Variants in VPS8 observed in about 807,000 individuals in gnomAD.
VPS8 encodes VPS8 subunit of CORVET complex.
A neutral mutation model predicts 216.4 loss-of-function variants in VPS8; 129 were observed. That is an observed-to-expected ratio of 0.60 (90% CI 0.52 to 0.69). The LOEUF is 0.69. VPS8 is among the 30% of genes least tolerant of loss of function. The pLI is 0.00. For synonymous variants in VPS8, 571 were observed against 565.4 expected (o/e 1.01, Z -0.14); for missense variants, 1,531 against 1,683.5 (o/e 0.91, Z 1.59).
At chr3:184,979,753 A>G (rs567342341) in intron 40 of VPS8, among the ~76,000 whole-genome samples, 2 of 152,278 alleles carry the variant, frequency 1.3e-5, no homozygotes, top group African/African-American at 4.8e-5. Context: ...TTCTTTATCC[A>G]GCTTACCACT....
intron 40 of VPS8, among the ~76,000 whole-genome samples, chr3:184,980,007 G>A (rs937354146): frequency 6.6e-6 from 1 of 152,154 alleles, no homozygotes; most frequent in Non-Finnish European, 1.5e-5. Flanking sequence ...AATTTCCTTA[G>A]CATTCATTGT....
At chr3:184,912,236 GT>G (rs1736682418) in intron 25 of VPS8, among the ~76,000 whole-genome samples, 1 of 152,140 alleles carries the variant, frequency 6.6e-6, no homozygotes, top group East Asian at 1.9e-4. Flanking sequence ...AAAGTGTGGC[GT>G]TTTTCTAACT....
chr3:184,819,399 T>C (rs1216498930), intron 1 of VPS8, among the ~76,000 whole-genome samples: 1 of 152,210 alleles, frequency 6.6e-6, no homozygotes, highest in African/African-American at 2.4e-5. Flanking sequence ...ATAAAAACAC[T>C]AGCTCACATG....
intron 1 of VPS8, among the ~76,000 whole-genome samples, chr3:184,813,515 A>G (rs1715628953): frequency 6.6e-6 from 1 of 152,166 alleles, no homozygotes; most frequent in Admixed American, 6.5e-5. Context: ...TAAGCACAGA[A>G]TAGGTATTGA....
At chr3:184,876,258 T>C (rs1729254763) in intron 21 of VPS8, among the ~76,000 whole-genome samples, 1 of 152,214 alleles carries the variant, frequency 6.6e-6, no homozygotes, top group African/African-American at 2.4e-5. Context: ...AATGTTAGGA[T>C]TCTTCACAAT....
intron 21 of VPS8, among the ~76,000 whole-genome samples, chr3:184,880,328 CT>C (rs1181615394): frequency 6.6e-6 from 1 of 152,166 alleles, no homozygotes; most frequent in African/African-American, 2.4e-5. Context: ...CTCCCACCCC[CT>C]CCTTAACCTC....
rs1714389616 is a variant in VPS8 at position 185,052,139 on chromosome 3, T to C, written c.*114T>C. On this transcript the variant is annotated 3_prime_UTR_variant, in exon 48 of 48. Coordinates refer to ENST00000625842, the MANE Select transcript of VPS8 (RefSeq NM_001009921.3). ...CACCTCCCACGCTTCTGAGAAGAGGTTCCAAATTGGGCTTCTGTGCCCAGA... is the reference window on the plus strand; with the variant it reads ...CACCTCCCACGCTTCTGAGAAGAGGCTCCAAATTGGGCTTCTGTGCCCAGA... The C allele has an allele frequency of 1.6e-5, 20 of 1,280,700 alleles. 1 individual carries two copies. The South Asian group carries it at 3.1e-4, about 20-fold the overall frequency. 79.3% of individuals were successfully genotyped at this position (1,280,700 alleles called of 1,614,324 possible). A position where few individuals can be genotyped will look rare whatever the true frequency, so the allele number is the denominator to read the frequency against.
rs1473967745 is a variant in VPS8, at chr3:184,869,030, G to T, written c.1591G>T (p.Val531Leu). The T allele has an allele frequency of 1.5e-5, 24 of 1,604,792 alleles. No individual in the cohort carries two copies. Among genetic ancestry groups the T allele is most frequent in the Non-Finnish European group, 2.0e-5 (24 of 1,175,690 alleles). The change falls in exon 19 of 48, where the codon GTA becomes TTA. Residue 531 changes from valine to leucine, a missense_variant. This residue lies in a region of VPS8 where 1,318 missense variants were observed against 1,468.4 expected (regional missense o/e 0.90). Coordinates refer to ENST00000625842, the MANE Select transcript of VPS8 (RefSeq NM_001009921.3). Reference protein sequence around the residue: ...WSFHEGKAKAVVGLSGDASKR... With the variant: ...WSFHEGKAKALVGLSGDASKR... ...TTTCCATGAAGGAAAAGCAAAAGCA[G>T]TAGTGGGTGAGTAGGCAGAATTCCA...
chr3:184,985,046 A>C (rs1481285585), intron 42 of VPS8, among the ~76,000 whole-genome samples: 1 of 152,166 alleles, frequency 6.6e-6, no homozygotes, highest in Non-Finnish European at 1.5e-5. Context: ...CCCACTAATC[A>C]GGAAGGTATG....
rs556250855 is a variant in VPS8 at position 184,864,152 on chromosome 3, G to A, written c.1395+1085G>A. On this transcript the variant is annotated intron_variant, in intron 16 of 47. Coordinates refer to ENST00000625842, the MANE Select transcript of VPS8 (RefSeq NM_001009921.3). ...AGGAGAAGGAGAAGGGAGGGGGAGGGGAAGGGGGAAGGAAGAAGAAGAAGA... is the reference window on the plus strand; with the variant it reads ...AGGAGAAGGAGAAGGGAGGGGGAGGAGAAGGGGGAAGGAAGAAGAAGAAGA... Among the ~76,000 whole-genome samples the A allele has an allele frequency of 3.3e-5, 5 of 151,568 alleles. No homozygotes were observed. In the South Asian group the frequency reaches 8.3e-4, roughly 25 times the overall value.
rs116658953 is a variant in VPS8, at chr3:184,974,636, C to A, written c.3420+2884C>A. On this transcript the variant is annotated intron_variant, in intron 40 of 47. Coordinates refer to ENST00000625842, the MANE Select transcript of VPS8 (RefSeq NM_001009921.3). ...GTTAGCTGTAAAATTTTTGTCTAGACCAATGTCCTGAAGTATTTCCCGTAT... is the reference window on the plus strand; with the variant it reads ...GTTAGCTGTAAAATTTTTGTCTAGAACAATGTCCTGAAGTATTTCCCGTAT... Among the ~76,000 whole-genome samples the A allele has an allele frequency of 6.5e-3, 996 of 152,134 alleles. 12 individuals are homozygous for A. The highest frequency in any genetic ancestry group is 0.023 in the African/African-American group (959 of 41,530).
At chr3:184,894,946 C>G (rs1250934871) in intron 23 of VPS8, 21 bp downstream of exon 23, 2 of 1,560,728 alleles carry the variant, frequency 1.3e-6, no homozygotes, top group Admixed American at 3.7e-5. Flanking sequence ...AGACAGTCTA[C>G]TAACTTATGA....
At chr3:185,049,673 C>T (rs527544897) in intron 47 of VPS8, among the ~76,000 whole-genome samples, 1 of 152,194 alleles carries the variant, frequency 6.6e-6, no homozygotes, top group Admixed American at 6.5e-5. Context: ...CAAACCCTAC[C>T]ATCTTCTTCA....
chr3:184,989,630 T>C (rs537911962), intron 42 of VPS8, among the ~76,000 whole-genome samples: 4 of 152,332 alleles, frequency 2.6e-5, no homozygotes, highest in South Asian at 4.1e-4. Context: ...TTGGTTGTTA[T>C]GTATAATTCT....
chr3:184,972,704 G>A (rs1748622800), intron 40 of VPS8, among the ~76,000 whole-genome samples: 1 of 152,214 alleles, frequency 6.6e-6, no homozygotes, highest in Non-Finnish European at 1.5e-5. Flanking sequence ...AAAACTGAAG[G>A]AGGTATCGTT....
intron 25 of VPS8, among the ~76,000 whole-genome samples, chr3:184,906,454 TC>T (rs1451276578): frequency 6.6e-6 from 1 of 151,726 alleles, no homozygotes. Flanking sequence ...ATTTAAGCTT[TC>T]CCTCTGAAAC....
At chr3:184,844,258 T>TA (rs1228242073) in intron 8 of VPS8, among the ~76,000 whole-genome samples, 4 of 151,820 alleles carry the variant, frequency 2.6e-5, no homozygotes, top group African/African-American at 7.3e-5. Context: ...CCGTCTCTAC[T>TA]AAAAATACAA....
At chr3:184,928,325 G>A in intron 31 of VPS8, 126 bp from the exon 32 acceptor site, 1 of 799,226 alleles carries the variant, frequency 1.3e-6, no homozygotes, top group Non-Finnish European at 1.8e-6. Flanking sequence ...GTGACAGCAA[G>A]CCAAAATATC....
At chr3:185,032,186 A>G (rs1398249871) in intron 46 of VPS8, among the ~76,000 whole-genome samples, 2 of 152,146 alleles carry the variant, frequency 1.3e-5, no homozygotes, top group African/African-American at 4.8e-5. Flanking sequence ...AACAAGTTGC[A>G]TGTTCACTGA....
Sources: allele counts gnomAD v4.1 joint callset (sites outside exome capture counted in the v4.1 genomes callset), GRCh38; gene constraint gnomAD v4.1.1; regional missense constraint gnomAD v4.1.1; transcripts MANE v1.5; gene names NCBI Gene and HGNC (gene_info 2026-07-23, HGNC 2026-07-21).